ILRUN: variants seen among roughly 807,000 people sequenced by gnomAD.
ILRUN encodes the protein inflammation and lipid regulator with UBA-like and NBR1-like domains, also known as protein ILRUN.
A neutral mutation model predicts 33.8 loss-of-function variants in ILRUN; 3 were observed. The observed-to-expected ratio is 0.09, with a 90% CI of 0.04 to 0.23. The LOEUF is 0.23. ILRUN is among the 10% of genes least tolerant of loss of function. ILRUN has a pLI of 1.00. For synonymous variants in ILRUN, 124 were observed against 138.9 expected (o/e 0.89, Z 0.75); for missense variants, 210 against 375.1 (o/e 0.56, Z 3.64).
chr6:34,627,650 T>C (rs746176693), intron 3 of ILRUN, among the ~76,000 whole-genome samples: 7 of 152,096 alleles, frequency 4.6e-5, no homozygotes, highest in Non-Finnish European at 8.8e-5. Flanking sequence ...AGTTTTTATA[T>C]GCCATGCCAT....
At chr6:34,692,380 T>G (rs1763666261) in intron 1 of ILRUN, among the ~76,000 whole-genome samples, 1 of 152,212 alleles carries the variant, frequency 6.6e-6, no homozygotes, top group Non-Finnish European at 1.5e-5. Flanking sequence ...CAGGCACTTA[T>G]GAAGTCATAG....
At chr6:34,678,100 T>C (rs1763276849) in intron 1 of ILRUN, among the ~76,000 whole-genome samples, 1 of 152,190 alleles carries the variant, frequency 6.6e-6, no homozygotes, top group Admixed American at 6.5e-5. Flanking sequence ...TGAAGTGCAG[T>C]GGTGCAATCT....
intron 1 of ILRUN, 48 bp downstream of exon 1, chr6:34,696,398 G>T: frequency 6.6e-7 from 1 of 1,521,264 alleles, no homozygotes; most frequent in East Asian, 2.5e-5. Context: ...CCTTCCCCTC[G>T]GGGCCCCCGA....
At chr6:34,617,399 G>A (rs1214326612) in intron 3 of ILRUN, 1 of 259,984 alleles carries the variant, frequency 3.8e-6, no homozygotes, top group South Asian at 4.5e-5. Flanking sequence ...AGCAGTGTGT[G>A]CATACCATTG....
chr6:34,652,367 G>A (rs182934754), intron 2 of ILRUN, among the ~76,000 whole-genome samples: 22 of 152,274 alleles, frequency 1.4e-4, no homozygotes, highest in African/African-American at 5.1e-4. Flanking sequence ...AAAAAGGAAA[G>A]GGGGCGAATG....
intron 1 of ILRUN, among the ~76,000 whole-genome samples, chr6:34,676,476 C>A (rs115213601): frequency 0.017 from 2,351 of 141,878 alleles, 77 homozygotes; most frequent in African/African-American, 0.056. Flanking sequence ...AGCTAGCTAG[C>A]TAGATAGGTA....
intron 3 of ILRUN, among the ~76,000 whole-genome samples, chr6:34,630,834 CT>C (rs1047320096): frequency 6.7e-6 from 1 of 148,606 alleles, no homozygotes; most frequent in African/African-American, 2.5e-5. Context: ...TTTATTCAGC[CT>C]TTTCTCTCTT....
intron 4 of ILRUN, 98 bp from the exon 5 acceptor site, chr6:34,590,698 G>C (rs1195869984): frequency 4.7e-5 from 43 of 907,612 alleles, no homozygotes; most frequent in Non-Finnish European, 5.6e-6. Context: ...GAGTCACAAG[G>C]AAGCCCCAAT....
At chr6:34,670,394 A>C (rs1213806272) in intron 1 of ILRUN, among the ~76,000 whole-genome samples, 1 of 152,208 alleles carries the variant, frequency 6.6e-6, no homozygotes. Context: ...TTATATTAAA[A>C]TAGGTTAACT....
chr6:34,687,656 C>G (rs1040726043), intron 1 of ILRUN, among the ~76,000 whole-genome samples: 4 of 146,624 alleles, frequency 2.7e-5, no homozygotes, highest in Non-Finnish European at 5.9e-5. Context: ...CGAGATTGCA[C>G]CACTGCACTC....
At chr6:34,687,194 G>C (rs1763539184) in intron 1 of ILRUN, 1 of 152,020 alleles carries the variant, frequency 6.6e-6, no homozygotes, top group Non-Finnish European at 1.5e-5. Context: ...TTTTGGGAGG[G>C]AATAAACTAG....
At chr6:34,593,565 A>G (rs1261325115) in intron 4 of ILRUN, among the ~76,000 whole-genome samples, 3 of 152,202 alleles carry the variant, frequency 2.0e-5, no homozygotes, top group Non-Finnish European at 1.5e-5. Context: ...AGTTTAGATT[A>G]TGGTTATTGT....
chr6:34,637,723 A>C (rs1285396855), intron 3 of ILRUN, among the ~76,000 whole-genome samples: 1 of 152,196 alleles, frequency 6.6e-6, no homozygotes, highest in Non-Finnish European at 1.5e-5. Context: ...ATACTTTACA[A>C]AGGATTACTG....
chr6:34,628,817 T>A (rs993834814), intron 3 of ILRUN, among the ~76,000 whole-genome samples: 1 of 151,992 alleles, frequency 6.6e-6, no homozygotes, highest in Non-Finnish European at 1.5e-5. Context: ...TGAAGGAAAT[T>A]GTAGAGAATT....
At chr6:34,626,773 G>A (rs139322100) in intron 3 of ILRUN, among the ~76,000 whole-genome samples, 176 of 152,248 alleles carry the variant, frequency 1.2e-3, no homozygotes, top group Middle Eastern at 3.4e-3. Flanking sequence ...TTTAGAGGCC[G>A]AGGTGGGCGG....
At chr6:34,639,056 T>C (rs1055812678) in intron 3 of ILRUN, among the ~76,000 whole-genome samples, 2 of 152,284 alleles carry the variant, frequency 1.3e-5, no homozygotes, top group African/African-American at 4.8e-5. Flanking sequence ...CCTGGTTAGG[T>C]AGGACATGCT....
intron 4 of ILRUN, among the ~76,000 whole-genome samples, chr6:34,597,125 C>A (rs571019422): frequency 6.6e-6 from 1 of 152,280 alleles, no homozygotes; most frequent in South Asian, 2.1e-4. Context: ...TTTTTAAAAA[C>A]CATGAAGAAT....
intron 3 of ILRUN, among the ~76,000 whole-genome samples, chr6:34,628,465 T>C (rs1052572281): frequency 5.3e-5 from 8 of 151,928 alleles, no homozygotes; most frequent in African/African-American, 1.9e-4. Context: ...CTGGGACTAC[T>C]CCAGCTGCAC....
At chr6:34,614,443 A>AAAAAAAATATATAT (rs71000073) in intron 3 of ILRUN, among the ~76,000 whole-genome samples, 1 of 133,596 alleles carries the variant, frequency 7.5e-6, no homozygotes, top group African/African-American at 3.1e-5. Flanking sequence ...AAAAAAAAAA[A>AAAAAAAATATATAT]ATATATATAT....
Sources: gnomAD v4.1 joint callset for allele counts (sites outside exome capture counted in the v4.1 genomes callset) on GRCh38, gnomAD v4.1.1 for gene constraint, MANE v1.5 for transcripts, NCBI Gene and HGNC (gene_info 2026-07-23, HGNC 2026-07-21) for gene names.